The following CUL3 variants were observed in gnomAD, a reference collection of about 807,000 sequenced individuals.
CUL3 encodes the protein cullin-3.
A neutral mutation model predicts 89.1 loss-of-function variants in CUL3; 19 were observed. The ratio of observed to expected loss-of-function variants is 0.21; its 90% CI spans 0.15 to 0.31. CUL3 has a LOEUF of 0.31. Among genes scored for constraint, CUL3 ranks in the 10% least tolerant of loss-of-function variants. CUL3 has a pLI of 1.00. For missense variants in CUL3, 469 were observed against 942.3 expected, an observed-to-expected ratio of 0.50 and a Z score of 6.58; for synonymous variants, 351 against 308.4, an observed-to-expected ratio of 1.14 and a Z score of -1.45.
At chr2:224,571,601 A>G (rs1397118346) in intron 1 of CUL3, among the ~76,000 whole-genome samples, 1 of 152,194 alleles carries the variant, frequency 6.6e-6, no homozygotes, top group Non-Finnish European at 1.5e-5. Flanking sequence ...CAAAATTGTT[A>G]CAAAAATCTG....
At chr2:224,520,891 TAA>T (rs990468381) in intron 3 of CUL3, among the ~76,000 whole-genome samples, 1 of 152,136 alleles carries the variant, frequency 6.6e-6, no homozygotes, top group Non-Finnish European at 1.5e-5. Context: ...ATTCAGCACA[TAA>T]AAGTATGCTC....
chr2:224,528,084 T>A (rs1424845410), intron 3 of CUL3, among the ~76,000 whole-genome samples: 1 of 152,262 alleles, frequency 6.6e-6, no homozygotes, highest in African/African-American at 2.4e-5. Flanking sequence ...TCCATTTTTT[T>A]TCCTTGTATT....
rs1194231432 is a variant in CUL3, at chr2:224,521,763, C to G, written c.379-6991G>C. On this transcript the variant is annotated intron_variant, in intron 3 of 15. Coordinates refer to ENST00000264414, the MANE Select transcript of CUL3 (RefSeq NM_003590.5). Reference sequence around the variant, plus strand: ...CTTATTCATCTATCCTCTGCCTGGTCCCACATATGGCCAGCAGTAGCTATT... The same window carrying G: ...CTTATTCATCTATCCTCTGCCTGGTGCCACATATGGCCAGCAGTAGCTATT... Among the ~76,000 whole-genome samples the G allele has an allele frequency of 2.6e-5, 4 of 151,642 alleles. No individual in the cohort carries two copies. In the East Asian group the frequency reaches 7.7e-4, roughly 29 times the overall value.
intron 3 of CUL3, among the ~76,000 whole-genome samples, chr2:224,534,848 A>T (rs1308907157): frequency 6.6e-6 from 1 of 151,572 alleles, no homozygotes; most frequent in Non-Finnish European, 1.5e-5. Context: ...AAATAAAAAT[A>T]AAAATAGCCG....
chr2:224,578,582 T>C (rs1695364423), intron 1 of CUL3, among the ~76,000 whole-genome samples: 1 of 152,166 alleles, frequency 6.6e-6, no homozygotes, highest in South Asian at 2.1e-4. Context: ...TTTAACAGAC[T>C]ATGGTTGAAT....
chr2:224,517,546 G>A (rs1159394704), intron 3 of CUL3, among the ~76,000 whole-genome samples: 4 of 152,092 alleles, frequency 2.6e-5, no homozygotes, highest in African/African-American at 9.7e-5. Context: ...GTTGGTGCGC[G>A]CCTGTAGTCC....
At chr2:224,568,410 A>G (rs1289136235) in intron 1 of CUL3, among the ~76,000 whole-genome samples, 1 of 152,220 alleles carries the variant, frequency 6.6e-6, no homozygotes, top group African/African-American at 2.4e-5. Context: ...TTTTTCTTCA[A>G]TGCCACACAG....
intron 1 of CUL3, among the ~76,000 whole-genome samples, chr2:224,569,412 A>T (rs540411570): frequency 8.5e-5 from 13 of 152,220 alleles, no homozygotes; most frequent in Non-Finnish European, 1.9e-4. Flanking sequence ...TAAAGGAAAA[A>T]TATAATTAAG....
chr2:224,571,259 T>C (rs1306822292), intron 1 of CUL3, among the ~76,000 whole-genome samples: 1 of 152,188 alleles, frequency 6.6e-6, no homozygotes, highest in Non-Finnish European at 1.5e-5. Context: ...TTAGTGATTA[T>C]ATCTAAAATC....
At chr2:224,560,759 T>G (rs1030173092) in intron 1 of CUL3, 1 of 152,280 alleles carries the variant, frequency 6.6e-6, no homozygotes, top group Non-Finnish European at 1.5e-5. Flanking sequence ...TGTAAAAGCA[T>G]AAATCAAATC....
chr2:224,560,305 TG>T (rs369140145), intron 1 of CUL3: 147 of 152,308 alleles, frequency 9.7e-4, no homozygotes, highest in African/African-American at 3.4e-3. Flanking sequence ...TAGGTGGAGT[TG>T]ATCTATTCTC....
At chr2:224,509,443 C>T (rs1692730727) in intron 6 of CUL3, among the ~76,000 whole-genome samples, 1 of 152,196 alleles carries the variant, frequency 6.6e-6, no homozygotes, top group South Asian at 2.1e-4. Flanking sequence ...TCTTAAACTC[C>T]TGAGCTCAAG....
intron 1 of CUL3, among the ~76,000 whole-genome samples, chr2:224,566,233 G>T (rs996843013): frequency 6.6e-6 from 1 of 152,178 alleles, no homozygotes; most frequent in Non-Finnish European, 1.5e-5. Flanking sequence ...ACTTCCTGAC[G>T]TCAGGGACAA....
chr2:224,566,147 A>G (rs539813194), intron 1 of CUL3, among the ~76,000 whole-genome samples: 2 of 152,320 alleles, frequency 1.3e-5, no homozygotes, highest in Admixed American at 6.5e-5. Context: ...GTTTTGAAGA[A>G]CTCATGAGAT....
intron 4 of CUL3, 110 bp from the exon 5 acceptor site, chr2:224,513,748 G>T: frequency 1.4e-6 from 1 of 722,830 alleles, no homozygotes; most frequent in Non-Finnish European, 2.2e-6. Context: ...AACTCTTACT[G>T]AAGTGACCAA....
At chr2:224,555,104 C>T (rs553849178) in intron 2 of CUL3, among the ~76,000 whole-genome samples, 6 of 152,282 alleles carry the variant, frequency 3.9e-5, no homozygotes, top group African/African-American at 1.4e-4. Flanking sequence ...TCCAAACATA[C>T]GATATCTCTA....
At chr2:224,584,426 T>C (rs538399227) in intron 1 of CUL3, among the ~76,000 whole-genome samples, 99 of 152,254 alleles carry the variant, frequency 6.5e-4, no homozygotes, top group South Asian at 1.4e-3. Context: ...GGAACCACTG[T>C]CACTGCGTCG....
chr2:224,503,484 C>G (rs1409986845), intron 9 of CUL3, among the ~76,000 whole-genome samples, 168 bp downstream of exon 9: 2 of 152,222 alleles, frequency 1.3e-5, no homozygotes, highest in East Asian at 3.8e-4. Flanking sequence ...TGTCCCTGAA[C>G]TTGAACAAAT....
At chr2:224,505,280 G>A (rs916080806) in intron 8 of CUL3, among the ~76,000 whole-genome samples, 46 of 152,074 alleles carry the variant, frequency 3.0e-4, no homozygotes, top group African/African-American at 1.1e-3. Context: ...TGGGATTACA[G>A]GCATCCACCA....
Sources: allele counts gnomAD v4.1 joint callset (sites outside exome capture counted in the v4.1 genomes callset), GRCh38; gene constraint gnomAD v4.1.1; transcripts MANE v1.5; gene names NCBI Gene and HGNC (gene_info 2026-07-23, HGNC 2026-07-21).